Variants in LRP2 observed in about 807,000 individuals in gnomAD.
LRP2 encodes LDL receptor related protein 2.
A neutral mutation model predicts 531.0 loss-of-function variants in LRP2; 172 were observed. The ratio of observed to expected loss-of-function variants is 0.32; its 90% CI spans 0.29 to 0.37. The LOEUF is 0.37. LRP2 is among the 10% of genes least tolerant of loss of function. The pLI is 1.00. For synonymous variants in LRP2, 1,992 were observed against 2,027.6 expected, an observed-to-expected ratio of 0.98 and a Z score of 0.47; for missense variants, 5,167 against 5,868.3, an observed-to-expected ratio of 0.88 and a Z score of 3.90.
chr2:169,146,794 G>T lies in LRP2; in HGVS notation c.12756C>A (p.Asp4252Glu). 6.2e-7 allele frequency: 1 copy of T among 1,613,970 alleles called. No homozygotes were observed. Among genetic ancestry groups the T allele is most frequent in the Non-Finnish European group, 8.5e-7 (1 of 1,179,982 alleles). ...DRIYWSDFKE[D>E]VIETIKYDGT... is the part of the protein sequence containing the mutation. ...CATCATATTTTATGGTTTCAATAAC[G>T]TCCTCCTTGAAGTCACTCCAGTAGA... Residue 4252 changes from aspartate to glutamate, a missense_variant, in exon 69 of 79, where the codon GAC becomes GAA. Transcript: ENST00000649046.
intron 35 of LRP2, 112 bp downstream of exon 35, chr2:169,216,141 T>C: frequency 8.7e-7 from 1 of 1,153,024 alleles, no homozygotes; most frequent in Admixed American, 1.8e-5. Flanking sequence ...GAAACACTGG[T>C]ACAAGTTACC....
chr2:169,358,430 A>G (rs559805196), intron 1 of LRP2, among the ~76,000 whole-genome samples: 7 of 152,308 alleles, frequency 4.6e-5, no homozygotes, highest in African/African-American at 1.4e-4. Context: ...TTTCTATTAA[A>G]ATGAGACAGG....
chr2:169,279,463 C>T lies in LRP2; in HGVS notation c.1474G>A (p.Asp492Asn), dbSNP rs1358874899. The T allele has an allele frequency of 6.2e-7, 1 of 1,613,908 alleles. No homozygotes were observed. The highest frequency in any genetic ancestry group is 8.5e-7 in the Non-Finnish European group (1 of 1,179,970). ...TAGCTTCCATCCAAATTTACCATAT[C>T]TATGCGGTTGACCTTGGTTTCCACT... ...YLVETKVNRI[D>N]MVNLDGSYRV... The change falls in exon 12 of 79, where the codon GAT (aspartate) becomes AAT (asparagine). Residue 492 changes from aspartate (D) to asparagine (N), a missense_variant. This residue lies in a region of LRP2 where 2,811 missense variants were observed against 3,058.0 expected (regional missense o/e 0.92). Coordinates refer to ENST00000649046, the MANE Select transcript of LRP2 (RefSeq NM_004525.3).
At chr2:169,191,669 T>G (rs1307334742) in intron 48 of LRP2, among the ~76,000 whole-genome samples, 163 bp downstream of exon 48, 1 of 151,726 alleles carries the variant, frequency 6.6e-6, no homozygotes, top group Non-Finnish European at 1.5e-5. Flanking sequence ...GATGTAAAAG[T>G]TTTTTTTCCC....
In LRP2 at chr2:169,226,507, G is replaced by A; in HGVS notation, c.5309C>T (p.Ala1770Val). The A allele has an allele frequency of 6.2e-7, 1 of 1,612,506 alleles. No homozygotes were observed. The highest frequency in any genetic ancestry group is 8.5e-7 in the Non-Finnish European group (1 of 1,178,642). ...CTGTATCCCTGCTATGGGGACCATA[G>A]CATCATTGCTCTTCACCTCAGGATT... The part of the protein sequence containing the change: ...SLNPEVKSND[A>V]MVPIAGIQNG... Residue 1770 changes from alanine (A) to valine (V), a missense_variant, in exon 32 of 79, where the codon GCT becomes GTT. Physicochemically the swap from Ala to Val is moderately conservative, Grantham distance 64. Around this residue, in one of 6 missense-constraint regions of LRP2, gnomAD observed 2,811 missense variants for 3,058.0 expected, o/e 0.92. Transcript: ENST00000649046.
At chr2:169,243,608 A>C (rs1689893851) in intron 22 of LRP2, 86 bp from the exon 23 acceptor site, 1 of 1,510,862 alleles carries the variant, frequency 6.6e-7, no homozygotes, top group African/African-American at 1.4e-5. Flanking sequence ...AAATAGCTAC[A>C]GAAGTTATCT....
At chr2:169,218,201 T>C (rs1433937147) in intron 34 of LRP2, among the ~76,000 whole-genome samples, 1 of 152,158 alleles carries the variant, frequency 6.6e-6, no homozygotes, top group Non-Finnish European at 1.5e-5. Flanking sequence ...TCTGACAAAA[T>C]TCTAAGCTCT....
At chr2:169,221,105 A>G (rs765546186) in intron 33 of LRP2, among the ~76,000 whole-genome samples, 5 of 152,188 alleles carry the variant, frequency 3.3e-5, no homozygotes, top group Non-Finnish European at 7.3e-5. Flanking sequence ...TCCTGACTGT[A>G]CAATCTGAGG....
intron 21 of LRP2, among the ~76,000 whole-genome samples, chr2:169,245,554 T>G (rs982005882): frequency 6.6e-6 from 1 of 152,178 alleles, no homozygotes; most frequent in South Asian, 2.1e-4. Flanking sequence ...TTATTAGTAT[T>G]AACTTCACCT....
In LRP2 at chr2:169,206,154, C is replaced by A. The variant is rs148093604; in HGVS notation, c.7425G>T (p.Trp2475Cys). 1.2e-6 allele frequency: 2 copies of A among 1,614,170 alleles called. No homozygotes were observed. Among genetic ancestry groups the A allele is most frequent in the Non-Finnish European group, 1.7e-6 (2 of 1,180,032 alleles). Reference protein sequence around the residue: ...IGTADGIAFDWITRRIYYSDY... With the variant: ...IGTADGIAFDCITRRIYYSDY... ...CACTGTAATAAATTCTTCTAGTAAT[C>A]CAGTCAAAGGCAATGCCATCAGCAG... The change falls in exon 40 of 79, where the codon TGG (tryptophan) becomes TGT (cysteine). Residue 2475 changes from tryptophan (W) to cysteine (C), a missense_variant. By Grantham distance (215) the Trp-to-Cys change is radical (BLOSUM62 -2). This residue lies in a region of LRP2 where 1,129 missense variants were observed against 1,362.7 expected (regional missense o/e 0.83). Transcript: ENST00000649046.
chr2:169,289,196 C>A (rs766389199), intron 8 of LRP2, 51 bp from the exon 9 acceptor site: 7 of 1,609,480 alleles, frequency 4.3e-6, no homozygotes, highest in South Asian at 2.2e-5. Flanking sequence ...CTGGACAAGA[C>A]TGATTAATCT....
chr2:169,173,986 C>T lies in LRP2; in HGVS notation c.10947G>A (p.Pro3649=), dbSNP rs201640140. The T allele has an allele frequency of 9.3e-6, 15 of 1,614,082 alleles. No individual in the cohort carries two copies. Among genetic ancestry groups the T allele is most frequent in the African/African-American group, 1.3e-5 (1 of 74,936 alleles). ...QFRCANGRCI[P]QAWKCDVDND... is the part of the protein sequence containing the mutation. ...TATCCACATCACACTTCCAGGCCTGCGGGATGCAGCGGCCATTAGCACACC... is the reference window on the plus strand; with the variant it reads ...TATCCACATCACACTTCCAGGCCTGTGGGATGCAGCGGCCATTAGCACACC... Residue 3649 remains proline (P), a synonymous_variant, in exon 56 of 79, where the codon CCG becomes CCA. Coordinates refer to ENST00000649046, the MANE Select transcript of LRP2 (RefSeq NM_004525.3).
chr2:169,206,587 T>C lies in LRP2; in HGVS notation c.7133A>G (p.Asp2378Gly), dbSNP rs777902155. 7 of 1,614,024 alleles carry C rather than the reference T, an allele frequency of 4.3e-6. 1 individual carries two copies. In the Middle Eastern group the frequency reaches 6.6e-4, roughly 152 times the overall value. Residue 2378 changes from aspartate to glycine, a missense_variant, in exon 39 of 79, where the codon GAT (aspartate) becomes GGT (glycine). By Grantham distance (94) the Asp-to-Gly change is moderately conservative. Transcript: ENST00000649046. Reference sequence around the variant, plus strand: ...TGTTGAAATGGCACAATTCTTGCCATCACTTTGCAGGGTCCCAAAGGCACA... The same window carrying C: ...TGTTGAAATGGCACAATTCTTGCCACCACTTTGCAGGGTCCCAAAGGCACA... ...CDCAFGTLQSDGKNCAISTEN... is the reference protein window; with the variant it reads ...CDCAFGTLQSGGKNCAISTEN...
At chr2:169,194,446 A>T (rs1299250528) in intron 46 of LRP2, among the ~76,000 whole-genome samples, 13 of 152,112 alleles carry the variant, frequency 8.5e-5, no homozygotes, top group Admixed American at 8.5e-4. Flanking sequence ...AGTTCCTAGA[A>T]CACCACTGTT....
At chr2:169,352,769 C>T (rs192371964) in intron 1 of LRP2, among the ~76,000 whole-genome samples, 11 of 151,490 alleles carry the variant, frequency 7.3e-5, no homozygotes, top group South Asian at 2.1e-4. Flanking sequence ...CCAAACACCG[C>T]ATGTTCTCAC....
chr2:169,358,898 C>CAAA lies in LRP2; in HGVS notation c.79+3420_79+3422dup, dbSNP rs777233354. Among the ~76,000 whole-genome samples, 823 of 115,870 alleles carry CAAA rather than the reference C, an allele frequency of 7.1e-3. 16 individuals are homozygous for CAAA. The highest frequency in any genetic ancestry group is 0.023 in the African/African-American group (738 of 31,596). 76.0% of individuals were successfully genotyped at this position (115,870 alleles called of 152,430 possible). ...TTGTTTAAGGCCAATACGATTTTCT[C>CAAA]AAAAAAAAAAAAAAAAAAGAAAAAA... On this transcript the variant is annotated intron_variant, in intron 1 of 78. Coordinates refer to ENST00000649046, the MANE Select transcript of LRP2 (RefSeq NM_004525.3).
Position 169,186,002 on chromosome 2 carries a change from C to A in LRP2, c.9346G>T (p.Asp3116Tyr). 1.9e-6 allele frequency: 3 copies of A among 1,613,538 alleles called. No individual in the cohort carries two copies. In the South Asian group the frequency reaches 3.3e-5, roughly 18 times the overall value. The part of the protein sequence containing the change: ...EKGCGINECH[D>Y]PSISGCDHNC... The stretch of plus-strand genomic sequence containing the variant: ...TGATCGCAGCCACTGATTGAAGGGT[C>A]ATGGCATTCATTAATGCCTGTAGGT... Residue 3116 changes from aspartate to tyrosine, a missense_variant, in exon 50 of 79, where the codon GAC becomes TAC. Coordinates refer to ENST00000649046, the MANE Select transcript of LRP2 (RefSeq NM_004525.3).
Position 169,247,024 on chromosome 2 carries a change from A to G in LRP2, c.2909-38T>C, listed in dbSNP as rs202159725. 3.8e-5 allele frequency: 61 copies of G among 1,609,896 alleles called. No homozygotes were observed. In the Middle Eastern group the frequency reaches 8.4e-4, roughly 22 times the overall value. On this transcript the variant is annotated intron_variant, in intron 20 of 78. Coordinates refer to ENST00000649046, the MANE Select transcript of LRP2 (RefSeq NM_004525.3). Reference sequence around the variant, plus strand: ...AGCCCCGAGGGAGTCAGTCATGTACATTTTCACTAGGTAGGTCACGGGTTT... The same window carrying G: ...AGCCCCGAGGGAGTCAGTCATGTACGTTTTCACTAGGTAGGTCACGGGTTT...
intron 3 of LRP2, among the ~76,000 whole-genome samples, chr2:169,317,419 G>A (rs2105510953): frequency 6.6e-6 from 1 of 152,220 alleles, no homozygotes; most frequent in Non-Finnish European, 1.5e-5. Flanking sequence ...AGAATGTCAG[G>A]CCTTCAGGAT....
Sources: gnomAD v4.1 joint callset for allele counts (sites outside exome capture counted in the v4.1 genomes callset) on GRCh38, gnomAD v4.1.1 for gene constraint, gnomAD v4.1.1 regional missense constraint, MANE v1.5 for transcripts, NCBI Gene and HGNC (gene_info 2026-07-23, HGNC 2026-07-21) for gene names.